YWHAG: variants seen among roughly 807,000 people sequenced by gnomAD.
The protein encoded by YWHAG is tyrosine 3-monooxygenase/tryptophan 5-monooxygenase activation protein gamma.
A neutral mutation model predicts 23.3 loss-of-function variants in YWHAG; 1 was observed. That is an observed-to-expected ratio of 0.04 (90% CI 0.02 to 0.20). YWHAG has a LOEUF of 0.20. Among genes scored for constraint, YWHAG ranks in the 10% least tolerant of loss-of-function variants. The pLI is 1.00. For missense variants in YWHAG, 151 were observed against 338.6 expected (o/e 0.45, Z 4.35); for synonymous variants, 160 against 144.0 (o/e 1.11, Z -0.80).
intron 1 of YWHAG, among the ~76,000 whole-genome samples, chr7:76,349,003 G>T (rs927135697): frequency 6.6e-6 from 1 of 152,092 alleles, no homozygotes; most frequent in African/African-American, 2.4e-5. Context: ...GACAGTAAAC[G>T]TCAAACTATA....
At chr7:76,358,430 C>T (rs1803995493) in intron 1 of YWHAG, among the ~76,000 whole-genome samples, 1 of 152,200 alleles carries the variant, frequency 6.6e-6, no homozygotes, top group African/African-American at 2.4e-5. Flanking sequence ...CCCCTAGAGC[C>T]GCGGGGGCCG....
At chr7:76,356,201 T>A (rs1803953045) in intron 1 of YWHAG, among the ~76,000 whole-genome samples, 1 of 152,218 alleles carries the variant, frequency 6.6e-6, no homozygotes, top group South Asian at 2.1e-4. Flanking sequence ...CCACGATGAC[T>A]TTTATAAACA....
chr7:76,347,188 G>C (rs1409158890), intron 1 of YWHAG, among the ~76,000 whole-genome samples: 2 of 152,216 alleles, frequency 1.3e-5, no homozygotes, highest in African/African-American at 4.8e-5. Flanking sequence ...GATCCCCACA[G>C]ATGTTCAACA....
chr7:76,350,275 A>G (rs1803855073), intron 1 of YWHAG, among the ~76,000 whole-genome samples: 1 of 152,204 alleles, frequency 6.6e-6, no homozygotes, highest in Admixed American at 6.5e-5. Context: ...GACAAAGGGC[A>G]ATGGGTGCCT....
chr7:76,345,890 G>A (rs112730353), intron 1 of YWHAG, among the ~76,000 whole-genome samples: 3,739 of 152,140 alleles, frequency 0.025, 144 homozygotes, highest in African/African-American at 0.086. Context: ...GCAGGGAGCC[G>A]AGATTGCACC....
At chr7:76,355,563 A>G (rs1219057999) in intron 1 of YWHAG, among the ~76,000 whole-genome samples, 1 of 152,122 alleles carries the variant, frequency 6.6e-6, no homozygotes. Context: ...GCAGAACTCC[A>G]CCTCTGAAGA....
chr7:76,351,858 T>C (rs568451420), intron 1 of YWHAG, among the ~76,000 whole-genome samples: 1 of 152,300 alleles, frequency 6.6e-6, no homozygotes, highest in Admixed American at 6.5e-5. Flanking sequence ...TGCAATGTGC[T>C]TGATTCATCC....
chr7:76,337,932 C>CA (rs1208458818), intron 1 of YWHAG, among the ~76,000 whole-genome samples: 2 of 152,172 alleles, frequency 1.3e-5, no homozygotes, highest in Non-Finnish European at 2.9e-5. Context: ...AGCCTGGAGG[C>CA]AGTCTTGGGG....
intron 1 of YWHAG, among the ~76,000 whole-genome samples, chr7:76,330,576 C>A (rs2115590267): frequency 6.6e-6 from 1 of 152,312 alleles, no homozygotes; most frequent in African/African-American, 2.4e-5. Flanking sequence ...AACGGACTGA[C>A]AAATTCCTCC....
intron 1 of YWHAG, among the ~76,000 whole-genome samples, chr7:76,353,105 A>G (rs1563668415): frequency 6.6e-6 from 1 of 152,264 alleles, no homozygotes; most frequent in Non-Finnish European, 1.5e-5. Context: ...GAAAAGACTC[A>G]TGCACATGGT....
chr7:76,339,314 A>G lies in YWHAG; in HGVS notation c.88-9081T>C, dbSNP rs190854702. 9.9e-5 allele frequency among the ~76,000 whole-genome samples: 15 copies of G among 152,232 alleles called. No individual in the cohort carries two copies. In the East Asian group the frequency reaches 2.3e-3, roughly 24 times the overall value. On this transcript the variant is annotated intron_variant, in intron 1 of 1. Transcript: ENST00000307630. ...GTGAAACCCCATCTCTACTAAAAATACAAAAATTAGCTGGGCATGGTGACG... is the reference window on the plus strand; with the variant it reads ...GTGAAACCCCATCTCTACTAAAAATGCAAAAATTAGCTGGGCATGGTGACG...
At position 76,329,435 on chromosome 7, in the gene YWHAG, G is replaced by A. The variant is rs73703132; in HGVS notation, c.*142C>T. 1.5e-3 allele frequency: 1,616 copies of A among 1,113,606 alleles called. 17 individuals are homozygous for A. In the African/African-American group the frequency reaches 0.022, roughly 15 times the overall value. The allele number at this position is 1,113,606 out of a possible 1,614,324, so 69.0% of individuals were successfully genotyped here. Reference sequence around the variant, plus strand: ...ATTTTGGCAAAAATGTCAAAGAGGCGATCAAAGACAGGACAGGTCGTGGGT... The same window carrying A: ...ATTTTGGCAAAAATGTCAAAGAGGCAATCAAAGACAGGACAGGTCGTGGGT... On this transcript the variant is annotated 3_prime_UTR_variant, in exon 2 of 2. Coordinates refer to ENST00000307630, the MANE Select transcript of YWHAG (RefSeq NM_012479.4). The surrounding 1 kb of genome is among the most constrained non-coding windows in gnomAD (Gnocchi z 6.1).
At chr7:76,332,791 C>A (rs1166807005) in intron 1 of YWHAG, among the ~76,000 whole-genome samples, 1 of 151,378 alleles carries the variant, frequency 6.6e-6, no homozygotes, top group East Asian at 2.0e-4. Context: ...ACTGCAACCT[C>A]CCCCCAAGTT....
chr7:76,345,106 C>T (rs1245365069), intron 1 of YWHAG, among the ~76,000 whole-genome samples: 4 of 151,732 alleles, frequency 2.6e-5, no homozygotes, highest in African/African-American at 9.7e-5. Flanking sequence ...TCACTACAAA[C>T]GGCCTGGCAA....
chr7:76,357,804 C>T (rs1260212329), intron 1 of YWHAG, among the ~76,000 whole-genome samples: 1 of 152,158 alleles, frequency 6.6e-6, no homozygotes, highest in Non-Finnish European at 1.5e-5. Context: ...TGCCTCTCAC[C>T]ACGGCTTTGT....
At chr7:76,340,871 A>C (rs1803682403) in intron 1 of YWHAG, among the ~76,000 whole-genome samples, 2 of 152,204 alleles carry the variant, frequency 1.3e-5, no homozygotes. Context: ...TAAAAACATA[A>C]GTCCATACAA....
At chr7:76,333,487 T>A (rs751028630) in intron 1 of YWHAG, among the ~76,000 whole-genome samples, 16 of 152,258 alleles carry the variant, frequency 1.1e-4, no homozygotes, top group African/African-American at 3.6e-4. Flanking sequence ...TCATTTTAGT[T>A]CTCACCACAG....
At chr7:76,332,499 G>A (rs1803559679) in intron 1 of YWHAG, among the ~76,000 whole-genome samples, 1 of 152,096 alleles carries the variant, frequency 6.6e-6, no homozygotes, top group African/African-American at 2.4e-5. Context: ...TAATATACAG[G>A]TATATCAGAC....
intron 1 of YWHAG, among the ~76,000 whole-genome samples, chr7:76,347,838 C>T (rs1803806102): frequency 6.6e-6 from 1 of 152,148 alleles, no homozygotes; most frequent in African/African-American, 2.4e-5. Flanking sequence ...CTGAGTGGTA[C>T]CCTCATGCCT....
Sources: allele counts gnomAD v4.1 joint callset (sites outside exome capture counted in the v4.1 genomes callset), GRCh38; gene constraint gnomAD v4.1.1; non-coding constraint Gnocchi (gnomAD v3.1); transcripts MANE v1.5; gene names NCBI Gene and HGNC (gene_info 2026-07-23, HGNC 2026-07-21).